Variants in DHRSX observed in about 807,000 individuals in gnomAD.
The protein encoded by DHRSX is polyprenol dehydrogenase.
Under a neutral mutation model 34.0 loss-of-function variants are expected in DHRSX, and 31 were observed. That is an observed-to-expected ratio of 0.91 (90% CI 0.69 to 1.23). The LOEUF (loss-of-function observed/expected upper bound fraction) is 1.23, where lower values mean the gene tolerates loss of function less well. Ranked by LOEUF, DHRSX falls within the 50% of genes most tolerant of loss-of-function variation. DHRSX has a pLI of 0.00. For synonymous variants in DHRSX, 201 were observed against 183.8 expected (o/e 1.09, Z -0.76); for missense variants, 414 against 428.1 (o/e 0.97, Z 0.29).
At chrX:2,304,487 C>T (rs1189612961) in intron 3 of DHRSX, among the ~76,000 whole-genome samples, 1 of 152,010 alleles carries the variant, frequency 6.6e-6, no homozygotes, top group Non-Finnish European at 1.5e-5. Flanking sequence ...GATTGGGTCA[C>T]GGGGGTGGAT....
chrX:2,222,186 T>C (rs2015536839), intron 6 of DHRSX, among the ~76,000 whole-genome samples: 1 of 152,252 alleles, frequency 6.6e-6, no homozygotes, highest in African/African-American at 2.4e-5. Flanking sequence ...GCCCAGCCTA[T>C]GTTGTTTTGT....
chrX:2,326,035 C>T (rs985203142), intron 3 of DHRSX, among the ~76,000 whole-genome samples: 9 of 152,168 alleles, frequency 5.9e-5, no homozygotes, highest in Admixed American at 2.6e-4. Context: ...GCAGAACATA[C>T]TGAAAATCAG....
At chrX:2,408,617 C>A in intron 3 of DHRSX, 128 bp downstream of exon 3, 2 of 808,968 alleles carry the variant, frequency 2.5e-6, no homozygotes, top group Non-Finnish European at 4.0e-6. Context: ...AAGAAGAGTG[C>A]AAAAATCAGA....
intron 3 of DHRSX, among the ~76,000 whole-genome samples, chrX:2,399,743 C>CAAAAAAAAAAAAAAAAAAAAAAAAAA (rs951340315): frequency 1.3e-4 from 7 of 54,644 alleles, no homozygotes; most frequent in East Asian, 4.8e-4. Context: ...AAAAAAAAAA[C>CAAAAAAAAAAAAAAAAAAAAAAAAAA]AAAAAAACAC....
At chrX:2,277,121 C>T (rs1313016930) in intron 4 of DHRSX, among the ~76,000 whole-genome samples, 4 of 27,338 alleles carry the variant, frequency 1.5e-4, no homozygotes, top group Admixed American at 8.2e-4. Context: ...GGAGGGCAAA[C>T]GAGAGAGGGA....
At chrX:2,411,940 T>C (rs1435939506) in intron 2 of DHRSX, among the ~76,000 whole-genome samples, 2 of 152,126 alleles carry the variant, frequency 1.3e-5, no homozygotes, top group Non-Finnish European at 2.9e-5. Context: ...AACGCTGGCA[T>C]AGGACAGAAG....
intron 3 of DHRSX, among the ~76,000 whole-genome samples, chrX:2,365,730 C>T (rs906183483): frequency 1.2e-4 from 19 of 152,058 alleles, no homozygotes; most frequent in Non-Finnish European, 2.5e-4. Context: ...TCCACCATAG[C>T]AAAGGGTGAC....
At chrX:2,306,921 TG>T (rs2042104258) in intron 3 of DHRSX, among the ~76,000 whole-genome samples, 1 of 112,402 alleles carries the variant, frequency 8.9e-6, no homozygotes, top group African/African-American at 4.6e-5. Flanking sequence ...TGTCTGGTCT[TG>T]GGGCTTTTTT....
chrX:2,269,729 G>A (rs1279346471), intron 4 of DHRSX, among the ~76,000 whole-genome samples: 1 of 152,054 alleles, frequency 6.6e-6, no homozygotes, highest in South Asian at 2.1e-4. Context: ...CAGTAGAGAC[G>A]GGGTTTTGCC....
At chrX:2,449,125 G>A (rs2044181291) in intron 1 of DHRSX, among the ~76,000 whole-genome samples, 1 of 151,792 alleles carries the variant, frequency 6.6e-6, no homozygotes, top group Non-Finnish European at 1.5e-5. Flanking sequence ...GGAGGTGGAG[G>A]TTGCAGTGAG....
At chrX:2,408,670 G>C in intron 3 of DHRSX, 75 bp downstream of exon 3, 1 of 1,342,020 alleles carries the variant, frequency 7.5e-7, no homozygotes, top group Non-Finnish European at 1.0e-6. Flanking sequence ...CTGAAGCTCA[G>C]CCATGAACCA....
intron 5 of DHRSX, 46 bp downstream of exon 5, chrX:2,266,694 T>C (rs2041479026): frequency 6.3e-7 from 1 of 1,579,900 alleles, no homozygotes; most frequent in Non-Finnish European, 8.7e-7. Context: ...GAATAACCTT[T>C]AACCCACCTG....
At chrX:2,362,774 C>T (rs1221859579) in intron 3 of DHRSX, among the ~76,000 whole-genome samples, 10 of 150,648 alleles carry the variant, frequency 6.6e-5, no homozygotes, top group East Asian at 2.0e-4. Context: ...ATTTTATCAC[C>T]GTTCTATGGT....
chrX:2,432,216 T>C (rs1234681986), intron 1 of DHRSX, among the ~76,000 whole-genome samples: 2 of 151,708 alleles, frequency 1.3e-5, no homozygotes, highest in Non-Finnish European at 2.9e-5. Context: ...TTTTTTAATT[T>C]AAAAAATAAA....
At chrX:2,224,479 G>C (rs756305845) in intron 6 of DHRSX, among the ~76,000 whole-genome samples, 53 of 152,296 alleles carry the variant, frequency 3.5e-4, no homozygotes, top group Admixed American at 1.1e-3. Flanking sequence ...CCTGTGCTAT[G>C]TTGAAAATGA....
chrX:2,352,218 G>A (rs2042796878), intron 3 of DHRSX, among the ~76,000 whole-genome samples: 1 of 151,842 alleles, frequency 6.6e-6, no homozygotes, highest in Non-Finnish European at 1.5e-5. Flanking sequence ...AATCCTGCAG[G>A]AAAATAAATG....
intron 1 of DHRSX, among the ~76,000 whole-genome samples, chrX:2,434,103 C>A (rs1432647866): frequency 6.6e-6 from 1 of 152,098 alleles, no homozygotes; most frequent in Non-Finnish European, 1.5e-5. Context: ...TAACCAAACC[C>A]CAGTCCCTCC....
At chrX:2,411,481 G>T (rs1256837855) in intron 2 of DHRSX, among the ~76,000 whole-genome samples, 1 of 150,186 alleles carries the variant, frequency 6.7e-6, no homozygotes, top group Non-Finnish European at 1.5e-5. Flanking sequence ...CCAGGACCCG[G>T]GAAGCAGAGG....
At chrX:2,439,717 G>A (rs2044040064) in intron 1 of DHRSX, among the ~76,000 whole-genome samples, 2 of 152,068 alleles carry the variant, frequency 1.3e-5, no homozygotes, top group Non-Finnish European at 2.9e-5. Flanking sequence ...TTTTCATACG[G>A]AGCACGCCAC....
Sources: gnomAD v4.1 joint callset for allele counts (sites outside exome capture counted in the v4.1 genomes callset) on GRCh38, gnomAD v4.1.1 for gene constraint, MANE v1.5 for transcripts, NCBI Gene and HGNC (gene_info 2026-07-23, HGNC 2026-07-21) for gene names.